Variants in ACCSL observed in about 807,000 individuals in gnomAD.
ACCSL encodes 1-aminocyclopropane-1-carboxylate synthase homolog (inactive) like.
Under a neutral mutation model 61.7 loss-of-function variants are expected in ACCSL, and 55 were observed. That is an observed-to-expected ratio of 0.89 (90% confidence interval 0.72 to 1.12). The LOEUF (loss-of-function observed/expected upper bound fraction) is 1.12, where lower values mean the gene tolerates loss of function less well. Ranked by LOEUF, ACCSL falls within the 50% of genes most tolerant of loss-of-function variation. The probability of loss-of-function intolerance (pLI) is 0.00; values close to 1 mark genes in which losing one functional copy is unlikely to be tolerated. For synonymous variants in ACCSL, 258 were observed against 264.3 expected, an observed-to-expected ratio of 0.98 and a Z score of 0.23; for missense variants, 632 against 698.0, an observed-to-expected ratio of 0.91 and a Z score of 1.07.
the ACCSL span, among the ~76,000 whole-genome samples, chr11:44,004,606 C>G: frequency 6.6e-6 from 1 of 152,204 alleles, no homozygotes; most frequent in African/African-American, 2.4e-5. Context: ...GGATGGCTAT[C>G]GGGAAAATGA....
the ACCSL span, among the ~76,000 whole-genome samples, chr11:43,973,657 G>A: frequency 3.9e-5 from 6 of 152,246 alleles, no homozygotes; most frequent in South Asian, 2.1e-4. Context: ...AAAAAGAACC[G>A]TCTAATGAAG....
chr11:43,940,690 G>T, the ACCSL span, among the ~76,000 whole-genome samples: 7 of 152,030 alleles, frequency 4.6e-5, no homozygotes, highest in South Asian at 2.1e-4. Context: ...TGCCACTAAG[G>T]CCTCAAGTGA....
chr11:44,035,164 C>A, the ACCSL span, among the ~76,000 whole-genome samples: 6 of 152,048 alleles, frequency 3.9e-5, no homozygotes, highest in African/African-American at 1.4e-4. Context: ...AATATCCTAC[C>A]CAACTTGAGT....
the ACCSL span, among the ~76,000 whole-genome samples, chr11:43,940,924 G>T: frequency 6.6e-6 from 1 of 152,168 alleles, no homozygotes; most frequent in Non-Finnish European, 1.5e-5. Flanking sequence ...CGCTGCTGGG[G>T]TTTGAATCTC....
At chr11:43,942,002 G>A in the ACCSL span, among the ~76,000 whole-genome samples, 2 of 151,674 alleles carry the variant, frequency 1.3e-5, no homozygotes, top group African/African-American at 4.8e-5. Context: ...GGAAGAACCG[G>A]AATGGAATAA....
At chr11:44,039,605 G>A in the ACCSL span, among the ~76,000 whole-genome samples, 203 of 152,274 alleles carry the variant, frequency 1.3e-3, no homozygotes, top group African/African-American at 4.6e-3. Context: ...CATCATTAAA[G>A]AACTTACTCA....
chr11:43,965,963 A>G, the ACCSL span, among the ~76,000 whole-genome samples: 1 of 152,212 alleles, frequency 6.6e-6, no homozygotes, highest in East Asian at 1.9e-4. Context: ...TTAATTCAAA[A>G]TGGTTCAAAG....
the ACCSL span, among the ~76,000 whole-genome samples, chr11:43,934,939 G>C: frequency 1.3e-5 from 2 of 152,100 alleles, no homozygotes; most frequent in African/African-American, 4.8e-5. Context: ...CCAAAGTGTG[G>C]GTAGGGACGA....
At chr11:44,042,476 C>T in the ACCSL span, among the ~76,000 whole-genome samples, 4 of 151,988 alleles carry the variant, frequency 2.6e-5, no homozygotes, top group African/African-American at 9.7e-5. Context: ...CATGCTTTCT[C>T]CTGTTATTTT....
the ACCSL span, among the ~76,000 whole-genome samples, chr11:43,940,542 A>T: frequency 6.7e-6 from 1 of 148,948 alleles, no homozygotes; most frequent in Non-Finnish European, 1.5e-5. Context: ...TTTAATTTTT[A>T]GTAGAGACGG....
At chr11:43,985,681 C>T in the ACCSL span, among the ~76,000 whole-genome samples, 29 of 152,152 alleles carry the variant, frequency 1.9e-4, no homozygotes, top group Non-Finnish European at 3.7e-4. Flanking sequence ...AAGAGAAATA[C>T]AAATAGTAGA....
chr11:43,922,809 A>C, the ACCSL span, among the ~76,000 whole-genome samples: 2 of 152,170 alleles, frequency 1.3e-5, no homozygotes, highest in Non-Finnish European at 2.9e-5. Flanking sequence ...GCTTTTTCAC[A>C]ATACTTACCA....
At chr11:44,059,665 A>G (rs1319892535) in intron 13 of ACCSL, among the ~76,000 whole-genome samples, 173 bp from the exon 14 acceptor site, 2 of 152,252 alleles carry the variant, frequency 1.3e-5, no homozygotes, top group African/African-American at 4.8e-5. Context: ...ATTCAAAAAG[A>G]AATCAGGGAT....
intron 2 of ACCSL, 138 bp downstream of exon 2, chr11:44,050,259 A>C: frequency 2.6e-6 from 2 of 765,008 alleles, no homozygotes; most frequent in Non-Finnish European, 4.5e-6. Context: ...CTAGAATAGC[A>C]CATTTAACCT....
At chr11:44,001,663 G>A in the ACCSL span, among the ~76,000 whole-genome samples, 26 of 151,824 alleles carry the variant, frequency 1.7e-4, no homozygotes, top group African/African-American at 6.3e-4. Context: ...CGCCTTCTGA[G>A]CTGTTATAAA....
the ACCSL span, among the ~76,000 whole-genome samples, chr11:44,006,761 T>A: frequency 2.6e-5 from 4 of 152,114 alleles, no homozygotes; most frequent in Non-Finnish European, 5.9e-5. Context: ...TGCCTTGGCC[T>A]CTCAAAGTGC....
At chr11:43,926,441 C>T in the ACCSL span, 4 of 449,666 alleles carry the variant, frequency 8.9e-6, no homozygotes, top group Non-Finnish European at 1.3e-5. Flanking sequence ...AGGCCACTTT[C>T]AAACTCTGTA....
At position 44,050,752 on chromosome 11, in the gene ACCSL, G is replaced by A. The variant is rs148507294; in HGVS notation, c.635+130G>A. On this transcript the variant is annotated intron_variant, in intron 3 of 13. Coordinates refer to ENST00000378832, the MANE Select transcript of ACCSL (RefSeq NM_001031854.2). ...CTTTGGGTAATAACTTCTAGAAAAT[G>A]CCTAGAGCAAAACTTCATCAGGAGG... The A allele has an allele frequency of 6.8e-5, 52 of 770,286 alleles. No homozygotes were observed. In the African/African-American group the frequency reaches 8.5e-4, roughly 13 times the overall value. 47.7% of individuals were successfully genotyped at this position (770,286 alleles called of 1,614,324 possible). A position where few individuals can be genotyped will look rare whatever the true frequency, so the allele number is the denominator to read the frequency against.
chr11:44,056,504 CA>C (rs1952672622), intron 11 of ACCSL, among the ~76,000 whole-genome samples, 178 bp downstream of exon 11: 1 of 152,146 alleles, frequency 6.6e-6, no homozygotes, highest in East Asian at 1.9e-4. Context: ...GATAACACAG[CA>C]GGGTGTAGGC....
Sources: gnomAD v4.1 joint callset for allele counts (sites outside exome capture counted in the v4.1 genomes callset) on GRCh38, gnomAD v4.1.1 for gene constraint, MANE v1.5 for transcripts, NCBI Gene and HGNC (gene_info 2026-07-23, HGNC 2026-07-21) for gene names.